The following IRF2 variants were observed in gnomAD, a reference collection of about 807,000 sequenced individuals.
IRF2 encodes interferon regulatory factor 2.
Under a neutral mutation model 40.6 loss-of-function variants are expected in IRF2, and 15 were observed. The ratio of observed to expected loss-of-function variants is 0.37; its 90% CI spans 0.25 to 0.57. IRF2 has a LOEUF of 0.57. IRF2 is among the 20% of genes least tolerant of loss of function. The pLI is 0.77. For synonymous variants in IRF2, 151 were observed against 165.5 expected, an observed-to-expected ratio of 0.91 and a Z score of 0.67; for missense variants, 317 against 455.7, an observed-to-expected ratio of 0.70 and a Z score of 2.77.
At chr4:184,436,401 C>T (rs1284960202) in intron 1 of IRF2, among the ~76,000 whole-genome samples, 1 of 152,082 alleles carries the variant, frequency 6.6e-6, no homozygotes, top group Non-Finnish European at 1.5e-5. Flanking sequence ...TGATCACTAC[C>T]CTCAAGGAAC....
At chr4:184,402,571 C>T (rs1029763510) in intron 6 of IRF2, among the ~76,000 whole-genome samples, 7 of 152,128 alleles carry the variant, frequency 4.6e-5, no homozygotes, top group Admixed American at 6.5e-5. Flanking sequence ...CAACTCCCAC[C>T]GGAGAGGCGC....
chr4:184,427,584 A>G lies in IRF2; in HGVS notation c.87+1394T>C, dbSNP rs192319483. ...TCGCTTCAGCACAGAGGCAGAGGTT[A>G]CAGTGAGCTGAGATCGTGCCACTGC... On this transcript the variant is annotated intron_variant, in intron 2 of 8. Transcript: ENST00000393593. Among the ~76,000 whole-genome samples the G allele has an allele frequency of 5.5e-3, 842 of 152,244 alleles. 10 individuals carry two copies. Among genetic ancestry groups the G allele is most frequent in the African/African-American group, 0.019 (802 of 41,536 alleles).
chr4:184,394,390 G>A (rs539070528), intron 7 of IRF2, among the ~76,000 whole-genome samples: 1 of 152,294 alleles, frequency 6.6e-6, no homozygotes, highest in East Asian at 1.9e-4. Flanking sequence ...TCACCTGAAA[G>A]GCTTTTTGCA....
rs1736931837 is a variant in IRF2 at position 184,408,193 on chromosome 4, A to G, written c.494T>C (p.Ile165Thr). The change falls in exon 6 of 9, where the codon ATA becomes ACA. Residue 165 changes from isoleucine (I) to threonine (T), a missense_variant. This residue lies in a region of IRF2 where 262 missense variants were observed against 334.0 expected (regional missense o/e 0.78). Transcript: ENST00000393593. This position sits in a 1 kb window ranked among gnomAD's most constrained non-coding sequence, Gnocchi z 4.9. ...CACCGTACTATCCACTTCATTTTTTATAGTTGAAGTCAGGACCGCATACTC... is the reference window on the plus strand; with the variant it reads ...CACCGTACTATCCACTTCATTTTTTGTAGTTGAAGTCAGGACCGCATACTC... ...SPEYAVLTST[I>T]KNEVDSTVNI... 1 of 1,611,868 alleles carries G rather than the reference A, an allele frequency of 6.2e-7. No individual in the cohort carries two copies. The highest frequency in any genetic ancestry group is 8.5e-7 in the Non-Finnish European group (1 of 1,177,874).
intron 7 of IRF2, among the ~76,000 whole-genome samples, chr4:184,396,415 C>CAT (rs199771117): frequency 1.4e-5 from 2 of 147,744 alleles, no homozygotes; most frequent in African/African-American, 5.1e-5. Context: ...GCCGCAGATC[C>CAT]ATATATATAT....
At chr4:184,452,478 C>T (rs576396819) in intron 1 of IRF2, among the ~76,000 whole-genome samples, 1 of 152,220 alleles carries the variant, frequency 6.6e-6, no homozygotes, top group East Asian at 1.9e-4. Flanking sequence ...GCAGACCGGG[C>T]GCAGCAACAA....
At position 184,413,582 on chromosome 4, in the gene IRF2, G is replaced by A. The variant is rs1286479997; in HGVS notation, c.411+4585C>T. Among the ~76,000 whole-genome samples, 7 of 152,202 alleles carry A rather than the reference G, an allele frequency of 4.6e-5. No homozygotes were observed. The highest frequency in any genetic ancestry group is 7.3e-5 in the Non-Finnish European group (5 of 68,036). ...TCACTGTTAGAGCCAACAGCTCTAT[G>A]AGAAAGAGCAGCCGAACCCCTATCT... On this transcript the variant is annotated intron_variant, in intron 5 of 8. Coordinates refer to ENST00000393593, the MANE Select transcript of IRF2 (RefSeq NM_002199.4). This position sits in a 1 kb window ranked among gnomAD's most constrained non-coding sequence, Gnocchi z 4.2.
intron 1 of IRF2, among the ~76,000 whole-genome samples, chr4:184,430,355 T>C (rs116706842): frequency 6.9e-5 from 10 of 145,496 alleles, no homozygotes; most frequent in African/African-American, 2.6e-4. Context: ...CCTCCTGCAG[T>C]CTGGCCCACT....
At chr4:184,455,908 A>C (rs1242527843) in intron 1 of IRF2, among the ~76,000 whole-genome samples, 3 of 152,186 alleles carry the variant, frequency 2.0e-5, no homozygotes, top group Admixed American at 2.0e-4. Flanking sequence ...GCATTATCTA[A>C]AGCTCTGTGG....
At chr4:184,472,590 A>G (rs970340588) in intron 1 of IRF2, 2 of 152,200 alleles carry the variant, frequency 1.3e-5, no homozygotes, top group African/African-American at 2.4e-5. Context: ...GACGAATGCC[A>G]GCACCACTTT....
At chr4:184,392,101 T>G (rs1736281236) in intron 7 of IRF2, among the ~76,000 whole-genome samples, 1 of 152,182 alleles carries the variant, frequency 6.6e-6, no homozygotes, top group African/African-American at 2.4e-5. Context: ...TTTTGTAAAA[T>G]AAAATATCAA....
At chr4:184,463,214 G>T (rs1045514238) in intron 1 of IRF2, among the ~76,000 whole-genome samples, 2 of 152,226 alleles carry the variant, frequency 1.3e-5, no homozygotes, top group African/African-American at 4.8e-5. Context: ...GAGCCACAGG[G>T]AGATTCATAC....
chr4:184,436,157 A>G (rs547168145), intron 1 of IRF2, among the ~76,000 whole-genome samples: 55 of 152,136 alleles, frequency 3.6e-4, no homozygotes, highest in African/African-American at 1.3e-3. Flanking sequence ...TTGTATTCTC[A>G]GTAGAGACAG....
At chr4:184,437,365 A>T (rs1435604813) in intron 1 of IRF2, among the ~76,000 whole-genome samples, 4 of 65,584 alleles carry the variant, frequency 6.1e-5, no homozygotes, top group African/African-American at 1.5e-4. Context: ...CTAATTTTTT[A>T]AAATATTTTT....
chr4:184,411,204 C>T (rs1007682678), intron 5 of IRF2, among the ~76,000 whole-genome samples: 1 of 152,026 alleles, frequency 6.6e-6, no homozygotes, highest in Non-Finnish European at 1.5e-5. Context: ...ATTACAGGTG[C>T]CTGCCACCAT....
chr4:184,397,411 G>T (rs1435271397), intron 7 of IRF2, among the ~76,000 whole-genome samples: 1 of 152,192 alleles, frequency 6.6e-6, no homozygotes, highest in Non-Finnish European at 1.5e-5. Context: ...ACGTTCTGGA[G>T]GTGGATGCTG....
chr4:184,467,993 A>G (rs1422111688), intron 1 of IRF2, among the ~76,000 whole-genome samples: 1 of 152,184 alleles, frequency 6.6e-6, no homozygotes, highest in Non-Finnish European at 1.5e-5. Flanking sequence ...ATCAGAAGGA[A>G]CCTCACACAC....
At chr4:184,391,650 A>G (rs1015983824) in intron 7 of IRF2, among the ~76,000 whole-genome samples, 2 of 152,224 alleles carry the variant, frequency 1.3e-5, no homozygotes, top group African/African-American at 4.8e-5. Flanking sequence ...CAACACCTCC[A>G]TGGCAGGTTT....
rs373455011 is a variant in IRF2, at chr4:184,408,142, C to T, written c.529+16G>A. ...CTGCTGGTATGTATAAAAAATGAGA[C>T]GTCAAAACAGTTTACCTATGATGTT... On this transcript the variant is annotated intron_variant, in intron 6 of 8. Coordinates refer to ENST00000393593, the MANE Select transcript of IRF2 (RefSeq NM_002199.4). The surrounding 1 kb of genome is among the most constrained non-coding windows in gnomAD (Gnocchi z 4.9). The T allele has an allele frequency of 7.9e-5, 118 of 1,485,546 alleles. No homozygotes were observed. Among genetic ancestry groups the T allele is most frequent in the Middle Eastern group, 1.7e-4 (1 of 5,840 alleles). 92.0% of individuals were successfully genotyped at this position (1,485,546 alleles called of 1,614,324 possible). A position where few individuals can be genotyped will look rare whatever the true frequency, so the allele number is the denominator to read the frequency against.
Sources: allele counts gnomAD v4.1 joint callset (sites outside exome capture counted in the v4.1 genomes callset), GRCh38; gene constraint gnomAD v4.1.1; regional missense constraint gnomAD v4.1.1; non-coding constraint Gnocchi (gnomAD v3.1); transcripts MANE v1.5; gene names NCBI Gene and HGNC (gene_info 2026-07-23, HGNC 2026-07-21).